The following DELE1 variants were observed in gnomAD, a reference collection of about 807,000 sequenced individuals.
The protein encoded by DELE1 is death ligand signal enhancer.
Under a neutral mutation model 59.3 loss-of-function variants are expected in DELE1, and 54 were observed. That is an observed-to-expected ratio of 0.91 (90% CI 0.73 to 1.14). The LOEUF (loss-of-function observed/expected upper bound fraction) is 1.14, where lower values mean the gene tolerates loss of function less well. Ranked by LOEUF, DELE1 falls within the 50% of genes most tolerant of loss-of-function variation. DELE1 has a pLI of 0.00. For synonymous variants in DELE1, 264 were observed against 259.1 expected (o/e 1.02, Z -0.18); for missense variants, 636 against 643.9 (o/e 0.99, Z 0.13).
Position 141,939,393 on chromosome 5 carries a change from G to A in DELE1, c.*634G>A. 2 of 985,160 alleles carry A rather than the reference G, an allele frequency of 2.0e-6. No individual in the cohort carries two copies. The highest frequency in any genetic ancestry group is 2.4e-6 in the Non-Finnish European group (2 of 829,332). 61.0% of individuals were successfully genotyped at this position (985,160 alleles called of 1,614,324 possible). The stretch of plus-strand genomic sequence containing the variant: ...AAATCACAGGGGTGGTTCCATGAAT[G>A]GCTGACACTTAGGAAACTCTGAATT... On this transcript the variant is annotated 3_prime_UTR_variant, in exon 12 of 12. Coordinates refer to ENST00000432126, the MANE Select transcript of DELE1 (RefSeq NM_014773.5).
chr5:141,938,916 A>G lies in DELE1; in HGVS notation c.*157A>G. ...CACGTACATGGCTGGTAAGTGACTGATCTTTCCCCCCGCTTGGTAGCCTCA... is the reference window on the plus strand; with the variant it reads ...CACGTACATGGCTGGTAAGTGACTGGTCTTTCCCCCCGCTTGGTAGCCTCA... On this transcript the variant is annotated 3_prime_UTR_variant, in exon 12 of 12. Coordinates refer to ENST00000432126, the MANE Select transcript of DELE1 (RefSeq NM_014773.5). 6.9e-7 allele frequency: 1 copy of G among 1,440,920 alleles called. No homozygotes were observed. Among genetic ancestry groups the G allele is most frequent in the Non-Finnish European group, 9.1e-7 (1 of 1,101,944 alleles). 89.3% of individuals were successfully genotyped at this position (1,440,920 alleles called of 1,614,324 possible). A position where few individuals can be genotyped will look rare whatever the true frequency, so the allele number is the denominator to read the frequency against.
chr5:141,930,146 C>T, intron 6 of DELE1, 32 bp from the exon 7 acceptor site: 1 of 1,606,938 alleles, frequency 6.2e-7, no homozygotes, highest in Non-Finnish European at 8.5e-7. Context: ...GGTAAACCAT[C>T]CCTTGGTGAG....
intron 10 of DELE1, 195 bp from the exon 11 acceptor site, chr5:141,937,003 C>T (rs1752413816): frequency 6.9e-7 from 1 of 1,450,512 alleles, no homozygotes; most frequent in South Asian, 1.5e-5. Context: ...ATCCCCCTCT[C>T]CTTTGTGTTG....
chr5:141,930,163 A>T lies in DELE1; in HGVS notation c.658-15A>T. On this transcript the variant is annotated splice_polypyrimidine_tract_variant and intron_variant, in intron 6 of 11. Transcript: ENST00000432126. The stretch of plus-strand genomic sequence containing the variant: ...TAAACCATCCCTTGGTGAGTCTTTT[A>T]TATTTCTTTCCCAGGAACAAGATAA... The T allele has an allele frequency of 1.2e-6, 2 of 1,611,394 alleles. No individual in the cohort carries two copies. The highest frequency in any genetic ancestry group is 1.7e-6 in the Non-Finnish European group (2 of 1,177,780).
intron 10 of DELE1, among the ~76,000 whole-genome samples, chr5:141,935,252 T>TG (rs1226789557): frequency 1.3e-5 from 2 of 152,204 alleles, no homozygotes; most frequent in Admixed American, 6.5e-5. Flanking sequence ...ATTAGTTCTC[T>TG]GGGATGCTTG....
At position 141,928,911 on chromosome 5, in the gene DELE1, T is replaced by C. The variant is rs950817377; in HGVS notation, c.412+613T>C. On this transcript the variant is annotated intron_variant, in intron 4 of 11. Transcript: ENST00000432126. The stretch of plus-strand genomic sequence containing the variant: ...ACACATAGTAAGTGTGTAGTAATTA[T>C]TAGTTTAAGCATTAGTTCTTGTCCT... Among the ~76,000 whole-genome samples, 6 of 152,036 alleles carry C rather than the reference T, an allele frequency of 3.9e-5. 1 individual carries two copies. The highest frequency in any genetic ancestry group is 1.5e-4 in the African/African-American group (6 of 41,254).
At chr5:141,924,738 C>T (rs1034714854) in intron 2 of DELE1, 43 bp downstream of exon 2, 1 of 1,256,544 alleles carries the variant, frequency 8.0e-7, no homozygotes, top group South Asian at 1.3e-5. Flanking sequence ...CCCCTAGTCA[C>T]CCTTTTTTTT....
intron 7 of DELE1, 98 bp downstream of exon 7, chr5:141,930,372 G>C (rs1042695047): frequency 1.2e-6 from 1 of 859,690 alleles, no homozygotes; most frequent in Non-Finnish European, 1.8e-6. Flanking sequence ...GCTTAAACGA[G>C]AGATTTTATT....
chr5:141,924,231 T>A (rs973499452), intron 1 of DELE1, among the ~76,000 whole-genome samples: 3 of 151,966 alleles, frequency 2.0e-5, no homozygotes, highest in African/African-American at 7.3e-5. Flanking sequence ...GTGGACTGAA[T>A]GAATGAAAGA....
At chr5:141,928,093 C>T (rs1431203507) in intron 3 of DELE1, 58 bp from the exon 4 acceptor site, 7 of 1,553,416 alleles carry the variant, frequency 4.5e-6, no homozygotes, top group East Asian at 2.3e-5. Flanking sequence ...AGAATAAGGC[C>T]GGGTCTGATG....
chr5:141,928,308 C>G lies in DELE1; in HGVS notation c.412+10C>G, dbSNP rs1407879263. Reference sequence around the variant, plus strand: ...TGGCACCCATGCTCCTGTGAGTTCTCAGTCCTGGGGACAGGAGGGCTGGGC... The same window carrying G: ...TGGCACCCATGCTCCTGTGAGTTCTGAGTCCTGGGGACAGGAGGGCTGGGC... On this transcript the variant is annotated intron_variant, in intron 4 of 11. Coordinates refer to ENST00000432126, the MANE Select transcript of DELE1 (RefSeq NM_014773.5). 6.2e-7 allele frequency: 1 copy of G among 1,613,412 alleles called. No individual in the cohort carries two copies. The highest frequency in any genetic ancestry group is 1.1e-5 in the South Asian group (1 of 90,948).
In DELE1 at chr5:141,941,719, T is replaced by C; in HGVS notation, c.*2960T>C. 3.0e-6 allele frequency: 3 copies of C among 985,310 alleles called. No homozygotes were observed. The highest frequency in any genetic ancestry group is 3.6e-6 in the Non-Finnish European group (3 of 829,908). The allele number at this position is 985,310 out of a possible 1,614,324, so 61.0% of individuals were successfully genotyped here. On this transcript the variant is annotated 3_prime_UTR_variant, in exon 12 of 12. Coordinates refer to ENST00000432126, the MANE Select transcript of DELE1 (RefSeq NM_014773.5). ...TGCTGTTTTCAGGGAGTCCTGACAC[T>C]ATGATGGGAACAAGGCTATTTGGTT... is the stretch of plus-strand genomic sequence containing the variant.
chr5:141,929,792 G>T, intron 5 of DELE1, 52 bp downstream of exon 5: 2 of 1,604,300 alleles, frequency 1.2e-6, no homozygotes, highest in African/African-American at 1.3e-5. Flanking sequence ...GTGGTGGTGA[G>T]CTGGGCAAGA....
chr5:141,924,354 A>G (rs893228191), intron 1 of DELE1, among the ~76,000 whole-genome samples: 4 of 152,218 alleles, frequency 2.6e-5, no homozygotes, highest in African/African-American at 7.2e-5. Flanking sequence ...ATCTTAGAAC[A>G]GTGGTTGGCA....
rs943995717 is a variant in DELE1 at position 141,938,834 on chromosome 5, A to G, written c.*75A>G. 10 of 1,513,016 alleles carry G rather than the reference A, an allele frequency of 6.6e-6. No individual in the cohort carries two copies. The highest frequency in any genetic ancestry group is 8.8e-6 in the Non-Finnish European group (10 of 1,136,080). The allele number at this position is 1,513,016 out of a possible 1,614,324, so 93.7% of individuals were successfully genotyped here. A position where few individuals can be genotyped will look rare whatever the true frequency, so the allele number is the denominator to read the frequency against. ...GGAGGTTGGATAACAAAAATAGAGC[A>G]TCAGCAACCCTTTCCAGGTAGAAAT... On this transcript the variant is annotated 3_prime_UTR_variant, in exon 12 of 12. Transcript: ENST00000432126.
At chr5:141,935,118 G>A (rs1265916339) in intron 10 of DELE1, 1 of 154,568 alleles carries the variant, frequency 6.5e-6, no homozygotes, top group African/African-American at 2.4e-5. Flanking sequence ...AGGGAAATTA[G>A]AAGACGCATC....
At position 141,937,311 on chromosome 5, in the gene DELE1, G is replaced by A; in HGVS notation, c.1263G>A (p.Glu421=). ...AGCAGTCAGCCGCTCTGGGAAATGA[G>A]GCCGCCCAGGAGAGGCTGCGAGCCC... The part of the protein sequence containing the change: ...CYQQSAALGN[E]AAQERLRALF... Residue 421 remains glutamate (E), a synonymous_variant, in exon 11 of 12, where the codon GAG becomes GAA. Coordinates refer to ENST00000432126, the MANE Select transcript of DELE1 (RefSeq NM_014773.5). 1 of 1,614,182 alleles carries A rather than the reference G, an allele frequency of 6.2e-7. No individual in the cohort carries two copies. Among genetic ancestry groups the A allele is most frequent in the Non-Finnish European group, 8.5e-7 (1 of 1,180,042 alleles).
chr5:141,931,662 AGAG>A (rs1751923310), intron 7 of DELE1, among the ~76,000 whole-genome samples: 1 of 152,202 alleles, frequency 6.6e-6, no homozygotes, highest in African/African-American at 2.4e-5. Flanking sequence ...CAGGTGGGAA[AGAG>A]GAGGATGGTG....
At chr5:141,933,424 G>T in intron 8 of DELE1, 23 bp downstream of exon 8, 5 of 1,439,174 alleles carry the variant, frequency 3.5e-6, no homozygotes, top group Non-Finnish European at 4.7e-6. Context: ...CCCCAAGCCT[G>T]CCTTCTGTGC....
Sources: allele counts gnomAD v4.1 joint callset (sites outside exome capture counted in the v4.1 genomes callset), GRCh38; gene constraint gnomAD v4.1.1; transcripts MANE v1.5; gene names NCBI Gene and HGNC (gene_info 2026-07-23, HGNC 2026-07-21).